ERBB4: variants seen among roughly 807,000 people sequenced by gnomAD.
ERBB4 encodes receptor tyrosine-protein kinase erbB-4.
A neutral mutation model predicts 158.0 loss-of-function variants in ERBB4; 42 were observed. The ratio of observed to expected loss-of-function variants is 0.27; its 90% CI spans 0.21 to 0.34. The LOEUF is 0.34. ERBB4 is among the 10% of genes least tolerant of loss of function. The pLI is 1.00. For missense variants in ERBB4, 1,333 were observed against 1,624.1 expected (o/e 0.82, Z 3.08); for synonymous variants, 583 against 558.7 (o/e 1.04, Z -0.61).
At chr2:212,189,665 C>A (rs920416836) in intron 1 of ERBB4, among the ~76,000 whole-genome samples, 3 of 152,184 alleles carry the variant, frequency 2.0e-5, no homozygotes, top group Non-Finnish European at 4.4e-5. Flanking sequence ...GGCATATATA[C>A]TACAAAAACA....
chr2:211,830,444 G>A (rs949194333), intron 3 of ERBB4, among the ~76,000 whole-genome samples: 19 of 151,898 alleles, frequency 1.3e-4, no homozygotes, highest in South Asian at 1.0e-3. Flanking sequence ...TTTTTATTTC[G>A]TACCACTTCT....
At chr2:212,122,706 G>A (rs951092954) in intron 2 of ERBB4, among the ~76,000 whole-genome samples, 3 of 151,780 alleles carry the variant, frequency 2.0e-5, no homozygotes, top group African/African-American at 7.3e-5. Context: ...TATTGCTAAA[G>A]GTTAAATATG....
At chr2:212,140,342 G>T (rs2080412452) in intron 1 of ERBB4, among the ~76,000 whole-genome samples, 1 of 146,866 alleles carries the variant, frequency 6.8e-6, no homozygotes, top group African/African-American at 2.5e-5. Flanking sequence ...TAGATTTCTG[G>T]GTATGAGACA....
At chr2:212,331,605 A>G (rs532501528) in intron 1 of ERBB4, among the ~76,000 whole-genome samples, 2 of 141,196 alleles carry the variant, frequency 1.4e-5, no homozygotes, top group African/African-American at 6.4e-5. Flanking sequence ...TAGAGATAAT[A>G]TTACCAAACT....
rs1553630145 is a variant in ERBB4 at position 211,772,955 on chromosome 2, A to ATATATTT, written c.556+15069_556+15070insAAATATA. 1.3e-4 allele frequency among the ~76,000 whole-genome samples: 11 copies of ATATATTT among 83,294 alleles called. 1 individual carries two copies. The highest frequency in any genetic ancestry group is 2.7e-4 in the African/African-American group (5 of 18,328). 54.6% of individuals were successfully genotyped at this position (83,294 alleles called of 152,430 possible). On this transcript the variant is annotated intron_variant, in intron 4 of 27. Coordinates refer to ENST00000342788, the MANE Select transcript of ERBB4 (RefSeq NM_005235.3). ...TATATATATATATATATATATATAT[A>ATATATTT]TTTTTTTTTTTAAAGATGGGGTCCT...
chr2:211,650,583 GA>G (rs2070944766), intron 16 of ERBB4, among the ~76,000 whole-genome samples: 1 of 152,014 alleles, frequency 6.6e-6, no homozygotes, highest in Non-Finnish European at 1.5e-5. Flanking sequence ...ACCCTTCTGT[GA>G]ATATGCAATA....
chr2:212,537,120 A>T (rs1693118266), intron 1 of ERBB4, among the ~76,000 whole-genome samples: 1 of 135,080 alleles, frequency 7.4e-6, no homozygotes, highest in African/African-American at 2.9e-5. Flanking sequence ...CTTGTTATTT[A>T]CTAGGCAAAG....
chr2:211,715,783 T>C (rs2073875684), intron 7 of ERBB4, among the ~76,000 whole-genome samples: 1 of 152,188 alleles, frequency 6.6e-6, no homozygotes, highest in South Asian at 2.1e-4. Flanking sequence ...CCCCTCATGC[T>C]TCCTGTACAG....
At chr2:212,047,712 G>C (rs2125387800) in intron 2 of ERBB4, among the ~76,000 whole-genome samples, 1 of 150,022 alleles carries the variant, frequency 6.7e-6, no homozygotes, top group South Asian at 2.1e-4. Context: ...TCGAACTCCT[G>C]AGCTCAAGCA....
At chr2:211,442,895 T>C (rs1179438522) in intron 20 of ERBB4, among the ~76,000 whole-genome samples, 1 of 152,108 alleles carries the variant, frequency 6.6e-6, no homozygotes, top group Non-Finnish European at 1.5e-5. Flanking sequence ...TTTTATCTTC[T>C]ATTCTTCACT....
chr2:212,343,036 C>T (rs957076598), intron 1 of ERBB4, among the ~76,000 whole-genome samples: 1 of 152,156 alleles, frequency 6.6e-6, no homozygotes, highest in African/African-American at 2.4e-5. Flanking sequence ...ATAAACCTCA[C>T]TAAACCTCAC....
chr2:211,621,641 T>G (rs567065647), intron 18 of ERBB4, among the ~76,000 whole-genome samples: 1 of 152,306 alleles, frequency 6.6e-6, no homozygotes, highest in African/African-American at 2.4e-5. Context: ...ATCCAAGGTT[T>G]AAAATAAAAT....
chr2:211,535,972 G>GT (rs147965672), intron 20 of ERBB4, among the ~76,000 whole-genome samples: 66,415 of 151,028 alleles, frequency 0.44, 15,068 homozygotes, highest in East Asian at 0.72. Flanking sequence ...ACATTTCCCT[G>GT]TTTTTTTAAA....
At chr2:212,130,228 A>C (rs1026765795) in intron 1 of ERBB4, among the ~76,000 whole-genome samples, 1 of 152,144 alleles carries the variant, frequency 6.6e-6, no homozygotes, top group African/African-American at 2.4e-5. Context: ...TTCAAGCATC[A>C]AAAATCCAAA....
intron 1 of ERBB4, among the ~76,000 whole-genome samples, chr2:212,206,748 A>G (rs533101575): frequency 3.3e-5 from 5 of 151,648 alleles, no homozygotes; most frequent in Non-Finnish European, 7.4e-5. Flanking sequence ...CACTGCGCCC[A>G]GCTAATTTTT....
chr2:211,837,372 A>G (rs2077365029), intron 3 of ERBB4, among the ~76,000 whole-genome samples: 2 of 152,088 alleles, frequency 1.3e-5, no homozygotes, highest in Admixed American at 6.6e-5. Context: ...AACTCCTCTC[A>G]AGTACATAAA....
intron 2 of ERBB4, among the ~76,000 whole-genome samples, chr2:211,949,612 G>A (rs2139936): frequency 0.19 from 28,740 of 151,794 alleles, 3,051 homozygotes; most frequent in African/African-American, 0.3. Context: ...TAATTCTGTT[G>A]GAACTGCAGT....
At chr2:212,079,465 G>C (rs1361528444) in intron 2 of ERBB4, among the ~76,000 whole-genome samples, 1 of 152,018 alleles carries the variant, frequency 6.6e-6, no homozygotes, top group African/African-American at 2.4e-5. Context: ...ATTGAGGTCT[G>C]TGTTGTATAG....
intron 20 of ERBB4, among the ~76,000 whole-genome samples, chr2:211,546,852 G>A (rs1415888007): frequency 2.0e-5 from 3 of 152,012 alleles, no homozygotes; most frequent in African/African-American, 7.2e-5. Context: ...AAACACAAAC[G>A]TTCAGAAGAT....
Sources: allele counts gnomAD v4.1 joint callset (sites outside exome capture counted in the v4.1 genomes callset), GRCh38; gene constraint gnomAD v4.1.1; transcripts MANE v1.5; gene names NCBI Gene and HGNC (gene_info 2026-07-23, HGNC 2026-07-21).